UCHL5: variants seen among roughly 807,000 people sequenced by gnomAD.
UCHL5 encodes ubiquitin carboxyl-terminal hydrolase isozyme L5.
UCHL5 carries 34 observed loss-of-function variants against 53.8 expected under a neutral mutation model. The ratio of observed to expected loss-of-function variants is 0.63; its 90% CI spans 0.48 to 0.84. UCHL5 has a LOEUF of 0.84. Ranked by LOEUF, UCHL5 falls within the 40% of genes least tolerant of loss-of-function variation. UCHL5 has a pLI of 0.00. For missense variants in UCHL5, 290 were observed against 385.6 expected (o/e 0.75, Z 2.08); for synonymous variants, 111 against 126.3 (o/e 0.88, Z 0.81).
chr1:193,052,310 T>C (rs1669311222), intron 1 of UCHL5, among the ~76,000 whole-genome samples: 1 of 152,160 alleles, frequency 6.6e-6, no homozygotes, highest in Admixed American at 6.5e-5. Context: ...CTCCCAAATA[T>C]CCTTCTAAGA....
intron 1 of UCHL5, among the ~76,000 whole-genome samples, chr1:193,054,551 G>A (rs1192348561): frequency 6.6e-6 from 1 of 152,156 alleles, no homozygotes; most frequent in Non-Finnish European, 1.5e-5. Context: ...ACAAGGACTA[G>A]ACTCAATTAT....
At chr1:193,018,982 G>A (rs1390242148) in intron 10 of UCHL5, among the ~76,000 whole-genome samples, 2 of 151,340 alleles carry the variant, frequency 1.3e-5, no homozygotes, top group East Asian at 1.9e-4. Context: ...TTTTCAACAC[G>A]CTTTATTTTT....
chr1:193,024,510 C>T (rs181204437), intron 7 of UCHL5, among the ~76,000 whole-genome samples: 6 of 149,582 alleles, frequency 4.0e-5, no homozygotes, highest in East Asian at 1.9e-4. Flanking sequence ...AACTATGCTC[C>T]GTATTATATA....
intron 3 of UCHL5, among the ~76,000 whole-genome samples, chr1:193,040,642 T>C (rs1158528522): frequency 1.3e-5 from 2 of 152,228 alleles, no homozygotes; most frequent in Non-Finnish European, 2.9e-5. Context: ...CTACTGGGTA[T>C]ACAGATCCGA....
chr1:193,022,132 C>G (rs980094217), intron 9 of UCHL5, among the ~76,000 whole-genome samples: 5 of 151,884 alleles, frequency 3.3e-5, no homozygotes, highest in African/African-American at 1.2e-4. Context: ...CTCCCTTTTT[C>G]CCGCCTGGAA....
intron 3 of UCHL5, among the ~76,000 whole-genome samples, chr1:193,038,782 G>C (rs1182631140): frequency 6.6e-6 from 1 of 152,078 alleles, no homozygotes; most frequent in African/African-American, 2.4e-5. Flanking sequence ...GAATGCTTGA[G>C]CCCAGGAGTT....
intron 3 of UCHL5, among the ~76,000 whole-genome samples, chr1:193,033,456 C>A (rs1662244429): frequency 6.6e-6 from 1 of 151,916 alleles, no homozygotes; most frequent in Admixed American, 6.6e-5. Flanking sequence ...CAGTAAACGA[C>A]CATGGCACGT....
rs1467236811 is a variant in UCHL5 at position 193,014,895 on chromosome 1, A to C, written c.*1456T>G. 2.6e-5 allele frequency: 4 copies of C among 152,134 alleles called. No individual in the cohort carries two copies. The South Asian group carries it at 6.2e-4, about 24-fold the overall frequency. The allele number at this position is 152,134 out of a possible 1,614,324, so 9.4% of individuals were successfully genotyped here. A position where few individuals can be genotyped will look rare whatever the true frequency, so the allele number is the denominator to read the frequency against. ...ATTGCTTAACAAAATTTAAGCCTCA[A>C]TAGGAAAGAATATATAAATTAAGCT... On this transcript the variant is annotated 3_prime_UTR_variant, in exon 11 of 11. Transcript: ENST00000367454.
intron 9 of UCHL5, among the ~76,000 whole-genome samples, chr1:193,022,296 T>A (rs1414219203): frequency 6.6e-6 from 1 of 152,136 alleles, no homozygotes; most frequent in African/African-American, 2.4e-5. Context: ...AACACTTTAC[T>A]GACACTGTGG....
At chr1:193,044,208 A>G (rs1445521959) in intron 3 of UCHL5, among the ~76,000 whole-genome samples, 1 of 152,194 alleles carries the variant, frequency 6.6e-6, no homozygotes, top group Non-Finnish European at 1.5e-5. Flanking sequence ...TAATTGATTA[A>G]TATCAATTGC....
intron 10 of UCHL5, among the ~76,000 whole-genome samples, chr1:193,019,380 G>T (rs1656056093): frequency 6.6e-6 from 1 of 151,634 alleles, no homozygotes; most frequent in Admixed American, 6.6e-5. Flanking sequence ...CTCGCAGCTA[G>T]ATAAATGTTT....
chr1:193,030,041 C>T (rs1452661974), intron 3 of UCHL5, among the ~76,000 whole-genome samples: 1 of 152,166 alleles, frequency 6.6e-6, no homozygotes, highest in Non-Finnish European at 1.5e-5. Context: ...TATAACCGAG[C>T]ATAAGCTTCA....
rs1232492586 is a variant in UCHL5 at position 193,015,249 on chromosome 1, A to C, written c.*1102T>G. 6.6e-6 allele frequency: 1 copy of C among 152,078 alleles called. No homozygotes were observed. The highest frequency in any genetic ancestry group is 1.9e-4 in the East Asian group (1 of 5,206). 9.4% of individuals were successfully genotyped at this position (152,078 alleles called of 1,614,324 possible). A position where few individuals can be genotyped will look rare whatever the true frequency, so the allele number is the denominator to read the frequency against. On this transcript the variant is annotated 3_prime_UTR_variant, in exon 11 of 11. Transcript: ENST00000367454. ...CACATTCTCCCTAATAAAATAAATT[A>C]TGCTAAATTGATTTTACAATAAATA...
chr1:193,052,869 T>C (rs960278909), intron 1 of UCHL5, among the ~76,000 whole-genome samples: 3 of 152,266 alleles, frequency 2.0e-5, no homozygotes, highest in Middle Eastern at 6.8e-3. Context: ...AAAACCCACA[T>C]CAGGTTTCAA....
intron 2 of UCHL5, among the ~76,000 whole-genome samples, chr1:193,050,623 G>A (rs1213699661): frequency 2.0e-5 from 3 of 152,072 alleles, no homozygotes; most frequent in African/African-American, 7.2e-5. Flanking sequence ...AAGCGTGCCT[G>A]TAATCCCGGC....
chr1:193,026,042 G>C (rs902727949), intron 7 of UCHL5, among the ~76,000 whole-genome samples: 3 of 147,752 alleles, frequency 2.0e-5, no homozygotes, highest in African/African-American at 7.5e-5. Flanking sequence ...GTGGAGGAAG[G>C]ATAGCCTTTT....
upstream of UCHL5, chr1:193,059,560 C>G: frequency 6.6e-7 from 1 of 1,520,474 alleles, no homozygotes; most frequent in African/African-American, 1.4e-5. The surrounding 1 kb of genome is among the most constrained non-coding windows in gnomAD (Gnocchi z 4.9). Context: ...GAGGCAACAT[C>G]CGGGATCCTC....
chr1:193,012,627 AC>A lies in UCHL5; in HGVS notation c.*3723del, dbSNP rs1240434932. On this transcript the variant is annotated 3_prime_UTR_variant, in exon 11 of 11. Coordinates refer to ENST00000367454, the MANE Select transcript of UCHL5 (RefSeq NM_001199261.3). ...AAAAATTATCTTCATTTAGGTCTCTACTTAAAGTACATCTCATTAATGGGAT... is the reference window on the plus strand; with the variant it reads ...AAAAATTATCTTCATTTAGGTCTCTATTAAAGTACATCTCATTAATGGGAT... 1 of 152,196 alleles carries A rather than the reference AC, an allele frequency of 6.6e-6. No homozygotes were observed. The highest frequency in any genetic ancestry group is 1.5e-5 in the Non-Finnish European group (1 of 68,038). 9.4% of individuals were successfully genotyped at this position (152,196 alleles called of 1,614,324 possible). A position where few individuals can be genotyped will look rare whatever the true frequency, so the allele number is the denominator to read the frequency against.
At chr1:193,023,994 C>T in intron 7 of UCHL5, 48 bp from the exon 8 acceptor site, 3 of 1,312,070 alleles carry the variant, frequency 2.3e-6, no homozygotes, top group South Asian at 1.3e-5. Context: ...AATTGTACAA[C>T]TATTACCGTT....
Sources: allele counts gnomAD v4.1 joint callset (sites outside exome capture counted in the v4.1 genomes callset), GRCh38; gene constraint gnomAD v4.1.1; non-coding constraint Gnocchi (gnomAD v3.1); transcripts MANE v1.5; gene names NCBI Gene and HGNC (gene_info 2026-07-23, HGNC 2026-07-21).